The following STX1A variants were observed in gnomAD, a reference collection of about 807,000 sequenced individuals.
The protein encoded by STX1A is syntaxin-1A.
STX1A carries 4 observed loss-of-function variants against 37.8 expected under a neutral mutation model. The observed-to-expected ratio is 0.11, with a 90% confidence interval of 0.05 to 0.24. The LOEUF (loss-of-function observed/expected upper bound fraction) is 0.24. Ranked by LOEUF, STX1A falls within the 10% of genes least tolerant of loss-of-function variation. STX1A has a pLI of 1.00. For missense variants in STX1A, 251 were observed against 399.9 expected (o/e 0.63, Z 3.18); for synonymous variants, 135 against 147.4 (o/e 0.92, Z 0.61).
intron 1 of STX1A, among the ~76,000 whole-genome samples, chr7:73,710,383 G>A (rs1186989728): frequency 6.6e-6 from 1 of 152,250 alleles, no homozygotes; most frequent in Non-Finnish European, 1.5e-5. Flanking sequence ...CAGGGACTGA[G>A]GTCTCTCAGC....
In STX1A at chr7:73,708,707, T is replaced by A; in HGVS notation, c.109-19A>T. 1 of 1,611,368 alleles carries A rather than the reference T, an allele frequency of 6.2e-7. No individual in the cohort carries two copies. Among genetic ancestry groups the A allele is most frequent in the Non-Finnish European group, 8.5e-7 (1 of 1,178,712 alleles). On this transcript the variant is annotated intron_variant, in intron 2 of 9. Coordinates refer to ENST00000222812, the MANE Select transcript of STX1A (RefSeq NM_004603.4). ...CCTCCACCTGCGGACCAAGGCCAGG[T>A]GGTCAGGAGAAGGAAATCAGGGGAG...
chr7:73,703,718 AG>A (rs1554616278), intron 7 of STX1A, 36 bp downstream of exon 7: 5 of 1,602,800 alleles, frequency 3.1e-6, no homozygotes, highest in South Asian at 2.2e-5. Flanking sequence ...GAACATGGTG[AG>A]GGGGTCATGG....
In STX1A at chr7:73,709,321, G is replaced by T. The variant is rs1554617616; in HGVS notation, c.31-199C>A. 6.6e-6 allele frequency among the ~76,000 whole-genome samples: 1 copy of T among 152,154 alleles called. No homozygotes were observed. Among genetic ancestry groups the T allele is most frequent in the Non-Finnish European group, 1.5e-5 (1 of 67,998 alleles). ...GACCACTGGGGGCCCGGCACAGAGAGAGGAACCTTGCCTGATACACTGGTG... is the reference window on the plus strand; with the variant it reads ...GACCACTGGGGGCCCGGCACAGAGATAGGAACCTTGCCTGATACACTGGTG... On this transcript the variant is annotated intron_variant, in intron 1 of 9. Transcript: ENST00000222812. This position sits in a 1 kb window ranked among gnomAD's most constrained non-coding sequence, Gnocchi z 4.2.
chr7:73,703,088 C>A (rs1584241631), intron 7 of STX1A, 106 bp from the exon 8 acceptor site: 6 of 899,060 alleles, frequency 6.7e-6, no homozygotes, highest in Non-Finnish European at 9.9e-6. Context: ...CGGAAGGGGG[C>A]CTGAGGCTTC....
intron 3 of STX1A, 33 bp downstream of exon 3, chr7:73,708,556 G>A (rs1554617426): frequency 1.3e-6 from 2 of 1,595,616 alleles, no homozygotes; most frequent in East Asian, 2.3e-5. Flanking sequence ...GGCTTGTGGG[G>A]CCTGAAACCC....
At chr7:73,703,996 C>T in intron 6 of STX1A, 152 bp downstream of exon 6, 1 of 1,066,458 alleles carries the variant, frequency 9.4e-7, no homozygotes, top group Non-Finnish European at 1.3e-6. Flanking sequence ...CCTCAGGCCC[C>T]CGCCCCTCCA....
At chr7:73,703,359 C>G (rs782474139) in intron 7 of STX1A, 2 of 569,420 alleles carry the variant, frequency 3.5e-6, no homozygotes, top group South Asian at 1.5e-5. Flanking sequence ...TGCTCCTCCC[C>G]TCTCTCCTGG....
At position 73,705,240 on chromosome 7, in the gene STX1A, G is replaced by T. The variant is rs1798827416; in HGVS notation, c.209-16C>A. 3 of 1,612,734 alleles carry T rather than the reference G, an allele frequency of 1.9e-6. No homozygotes were observed. In the Admixed American group the frequency reaches 5.0e-5, roughly 27 times the overall value. The stretch of plus-strand genomic sequence containing the variant: ...TCCTTCGTCTCTGGGGAGGTAGAAA[G>T]GGTGGGGGTAGGCCTCCTAGGCTCC... On this transcript the variant is annotated splice_polypyrimidine_tract_variant and intron_variant, in intron 3 of 9. Coordinates refer to ENST00000222812, the MANE Select transcript of STX1A (RefSeq NM_004603.4). The surrounding 1 kb of genome is among the most constrained non-coding windows in gnomAD (Gnocchi z 5.2).
chr7:73,716,695 A>T (rs1799299712), intron 1 of STX1A: 1 of 152,408 alleles, frequency 6.6e-6, no homozygotes, highest in Non-Finnish European at 1.5e-5. Flanking sequence ...CTACGTCTTC[A>T]GCCTCCTGCA....
At chr7:73,718,622 C>G (rs542629481) in intron 1 of STX1A, among the ~76,000 whole-genome samples, 17 of 152,126 alleles carry the variant, frequency 1.1e-4, no homozygotes, top group Admixed American at 2.6e-4. Context: ...TCCACCCCCC[C>G]TCCCCGACAC....
At chr7:73,708,468 CCCAGACACTCCTAAGCCCA>C in intron 3 of STX1A, 102 bp downstream of exon 3, 1 of 954,214 alleles carries the variant, frequency 1.0e-6, no homozygotes, top group South Asian at 1.5e-5. Context: ...CCCTGGCCCG[CCCAGACACTCCTAAGCCCA>C]CCAGCCATGA....
chr7:73,719,508 C>T, intron 1 of STX1A, 94 bp downstream of exon 1: 2 of 1,135,988 alleles, frequency 1.8e-6, no homozygotes, highest in Non-Finnish European at 2.2e-6. Context: ...GCAGGAGCGG[C>T]CACCATCCTG....
Position 73,700,953 on chromosome 7 carries a change from G to C in STX1A, c.679-113C>G. The C allele has an allele frequency of 1.9e-6, 3 of 1,540,622 alleles. No homozygotes were observed. The highest frequency in any genetic ancestry group is 1.7e-6 in the Non-Finnish European group (2 of 1,148,262). On this transcript the variant is annotated intron_variant, in intron 8 of 9. Transcript: ENST00000222812. The surrounding 1 kb of genome is among the most constrained non-coding windows in gnomAD (Gnocchi z 4.4). ...GAGGCTAGAGACAAAAAGGGGGCGT[G>C]AGGAGGTTAGGGTACAGCTTCTCAC...
At chr7:73,704,684 C>T (rs1458094828) in intron 4 of STX1A, 19 of 565,326 alleles carry the variant, frequency 3.4e-5, no homozygotes, top group African/African-American at 5.6e-5. Context: ...CTCCGGCCAC[C>T]CTATGCCTGG....
At chr7:73,701,119 C>T (rs1221478346) in intron 8 of STX1A, 2 of 613,250 alleles carry the variant, frequency 3.3e-6, no homozygotes, top group East Asian at 2.8e-5. Flanking sequence ...ATGCAGAGAA[C>T]ACTGTCAGAG....
intron 1 of STX1A, among the ~76,000 whole-genome samples, chr7:73,712,263 G>C (rs1251678378): frequency 2.6e-5 from 4 of 152,004 alleles, no homozygotes; most frequent in Non-Finnish European, 4.4e-5. Context: ...TCGTTCTTGG[G>C]AATTTTCACC....
chr7:73,700,100 G>A lies in STX1A; in HGVS notation c.*307C>T, dbSNP rs1247225726. 1 of 471,202 alleles carries A rather than the reference G, an allele frequency of 2.1e-6. No individual in the cohort carries two copies. The highest frequency in any genetic ancestry group is 3.9e-6 in the Non-Finnish European group (1 of 258,072). The allele number at this position is 471,202 out of a possible 1,614,324, so 29.2% of individuals were successfully genotyped here. On this transcript the variant is annotated 3_prime_UTR_variant, in exon 10 of 10. Transcript: ENST00000222812. This position sits in a 1 kb window ranked among gnomAD's most constrained non-coding sequence, Gnocchi z 4.4. The stretch of plus-strand genomic sequence containing the variant: ...AACCTGGGCCCACCGAGTTACTGAA[G>A]GCAAGGAAGGGTGGCCTGTGTCACC...
rs979062632 is a variant in STX1A at position 73,702,547 on chromosome 7, A to C, written c.678+298T>G. 57 of 748,726 alleles carry C rather than the reference A, an allele frequency of 7.6e-5. No individual in the cohort carries two copies. Among genetic ancestry groups the C allele is most frequent in the Non-Finnish European group, 1.1e-4 (54 of 490,578 alleles). 46.4% of individuals were successfully genotyped at this position (748,726 alleles called of 1,614,324 possible). On this transcript the variant is annotated intron_variant, in intron 8 of 9. Coordinates refer to ENST00000222812, the MANE Select transcript of STX1A (RefSeq NM_004603.4). This position sits in a 1 kb window ranked among gnomAD's most constrained non-coding sequence, Gnocchi z 4.7. Reference sequence around the variant, plus strand: ...CTGCTATGCCTTCAGTCTCTGGGGAAATGCGTGGCCCACAGTGGCCCCATG... The same window carrying C: ...CTGCTATGCCTTCAGTCTCTGGGGACATGCGTGGCCCACAGTGGCCCCATG...
intron 3 of STX1A, among the ~76,000 whole-genome samples, chr7:73,708,282 GA>G (rs1344119162): frequency 4.3e-5 from 6 of 140,974 alleles, no homozygotes; most frequent in Admixed American, 7.1e-5. Flanking sequence ...AAAAAAAAAA[GA>G]AAAAAAGAAA....
Sources: allele counts gnomAD v4.1 joint callset (sites outside exome capture counted in the v4.1 genomes callset), GRCh38; gene constraint gnomAD v4.1.1; non-coding constraint Gnocchi (gnomAD v3.1); transcripts MANE v1.5; gene names NCBI Gene and HGNC (gene_info 2026-07-23, HGNC 2026-07-21).